The following KLHL25 variants were observed in gnomAD, a reference collection of about 807,000 sequenced individuals.
KLHL25 encodes the protein kelch like family member 25, also known as kelch-like protein 25.
A neutral mutation model predicts 30.0 loss-of-function variants in KLHL25; 41 were observed. The ratio of observed to expected loss-of-function variants is 1.37; its 90% CI spans 1.07 to 1.78. KLHL25 has a LOEUF of 1.78. KLHL25 is among the 40% of genes most tolerant of loss of function. The pLI, the probability that KLHL25 is intolerant of heterozygous loss-of-function variation, is 0.00. For missense variants in KLHL25, 971 were observed against 824.5 expected (o/e 1.18, Z -2.18); for synonymous variants, 399 against 355.3 (o/e 1.12, Z -1.38).
chr15:85,788,297 G>A (rs879762389), intron 1 of KLHL25, among the ~76,000 whole-genome samples: 3 of 152,110 alleles, frequency 2.0e-5, no homozygotes, highest in African/African-American at 4.8e-5. Context: ...TCCCACGGCT[G>A]GCTCAAATGT....
At chr15:85,777,197 C>T (rs1048355155) in intron 1 of KLHL25, among the ~76,000 whole-genome samples, 4 of 152,216 alleles carry the variant, frequency 2.6e-5, no homozygotes, top group Admixed American at 2.0e-4. Flanking sequence ...TGGTAATAAA[C>T]GGGCTTCCCC....
chr15:85,769,307 G>A lies in KLHL25; in HGVS notation c.504C>T (p.Ser168=). 1 of 1,614,096 alleles carries A rather than the reference G, an allele frequency of 6.2e-7. No homozygotes were observed. The highest frequency in any genetic ancestry group is 1.1e-5 in the South Asian group (1 of 91,074). Residue 168 remains serine, a synonymous_variant, in exon 2 of 3, where the codon TCC becomes TCT. Transcript: ENST00000337975. ...CAAAGTGCACCAGGCACATGCGCCA[G>A]GAGAACTCATACAGCCGGCGGCACT... ...AHQCRRLYEF[S]WRMCLVHFET...
At position 85,769,533 on chromosome 15, in the gene KLHL25, A is replaced by T. The variant is rs2089654391; in HGVS notation, c.278T>A (p.Leu93Gln). 6.2e-7 allele frequency: 1 copy of T among 1,613,806 alleles called. No homozygotes were observed. Among genetic ancestry groups the T allele is most frequent in the Admixed American group, 1.7e-5 (1 of 59,998 alleles). ...RDDTVNFQDN[L>Q]HPEVLELLLD... ...CAGCAGCTCCAGCACCTCCGGGTGC[A>T]GGTTGTCCTGGAAGTTGACAGTGTC... Residue 93 changes from leucine to glutamine, a missense_variant, in exon 2 of 3, where the codon CTG becomes CAG. By Grantham distance (113) the Leu-to-Gln change is moderately radical. Coordinates refer to ENST00000337975, the MANE Select transcript of KLHL25 (RefSeq NM_022480.4).
chr15:85,771,500 A>C (rs2245513), intron 1 of KLHL25, among the ~76,000 whole-genome samples: 1 of 152,228 alleles, frequency 6.6e-6, no homozygotes, highest in Non-Finnish European at 1.5e-5. Context: ...TCTCTTGCTC[A>C]CTCCTCCTCT....
At chr15:85,793,297 G>A (rs575545076) in intron 1 of KLHL25, among the ~76,000 whole-genome samples, 2 of 152,240 alleles carry the variant, frequency 1.3e-5, no homozygotes, top group African/African-American at 2.4e-5. Context: ...CCAGGATGAA[G>A]GTGTCTTCCA....
chr15:85,776,081 G>A (rs913125427), intron 1 of KLHL25, among the ~76,000 whole-genome samples: 1 of 151,502 alleles, frequency 6.6e-6, no homozygotes, highest in Non-Finnish European at 1.5e-5. Flanking sequence ...GTTATAGCAT[G>A]AGAACTGCTT....
chr15:85,779,259 C>T (rs567085841), intron 1 of KLHL25, among the ~76,000 whole-genome samples: 1 of 152,184 alleles, frequency 6.6e-6, no homozygotes, highest in African/African-American at 2.4e-5. Context: ...AAAAGCCACA[C>T]CCAGGAGCTC....
At chr15:85,767,035 G>C (rs943102266) in intron 2 of KLHL25, among the ~76,000 whole-genome samples, 2 of 146,934 alleles carry the variant, frequency 1.4e-5, no homozygotes, top group Non-Finnish European at 3.0e-5. Flanking sequence ...CTGTTGCCCA[G>C]GCTGGAGTAC....
intron 1 of KLHL25, among the ~76,000 whole-genome samples, chr15:85,785,724 C>G (rs1412422395): frequency 6.6e-6 from 1 of 152,192 alleles, no homozygotes; most frequent in Non-Finnish European, 1.5e-5. Context: ...CAGCCCGCAG[C>G]AGCCTCCCAC....
chr15:85,785,205 T>C (rs905157145), intron 1 of KLHL25, among the ~76,000 whole-genome samples: 2 of 151,520 alleles, frequency 1.3e-5, no homozygotes, highest in African/African-American at 4.8e-5. Flanking sequence ...ACCATTCTCC[T>C]GCCTCAGCCT....
chr15:85,774,873 T>C (rs1279384677), intron 1 of KLHL25, among the ~76,000 whole-genome samples: 3 of 119,042 alleles, frequency 2.5e-5, no homozygotes, highest in Non-Finnish European at 4.1e-5. Context: ...GATTCTTTTT[T>C]TCTTTTCTTT....
chr15:85,775,892 G>A (rs12232254), intron 1 of KLHL25, among the ~76,000 whole-genome samples: 29,349 of 145,482 alleles, frequency 0.2, 3,095 homozygotes, highest in East Asian at 0.34. Context: ...AAAAAAAAGC[G>A]GCCAGGCGTG....
rs1162120229 is a variant in KLHL25 at position 85,769,508 on chromosome 15, C to T, written c.303G>A (p.Leu101=). ...DNLHPEVLEL[L]LDFAYSSRIA... ...TGCGTGAGGAGTAGGCAAAGTCCAG[C>T]AGCAGCTCCAGCACCTCCGGGTGCA... The change falls in exon 2 of 3, where the codon CTG becomes CTA. Residue 101 remains leucine (L), a synonymous_variant. Coordinates refer to ENST00000337975, the MANE Select transcript of KLHL25 (RefSeq NM_022480.4). 2 of 1,614,014 alleles carry T rather than the reference C, an allele frequency of 1.2e-6. No homozygotes were observed. Among genetic ancestry groups the T allele is most frequent in the East Asian group, 2.2e-5 (1 of 44,886 alleles).
intron 1 of KLHL25, among the ~76,000 whole-genome samples, chr15:85,792,829 A>C (rs943484284): frequency 2.6e-5 from 4 of 151,974 alleles, no homozygotes; most frequent in African/African-American, 9.7e-5. Flanking sequence ...AGCCTTGCCC[A>C]CCTGTGTCTC....
intron 2 of KLHL25, among the ~76,000 whole-genome samples, chr15:85,766,219 T>C (rs1254431765): frequency 6.6e-6 from 1 of 152,198 alleles, no homozygotes; most frequent in Non-Finnish European, 1.5e-5. Flanking sequence ...CGCTGCAGGA[T>C]CGTGGGAAGC....
chr15:85,778,196 G>A (rs185616347), intron 1 of KLHL25, among the ~76,000 whole-genome samples: 5 of 152,296 alleles, frequency 3.3e-5, no homozygotes, highest in South Asian at 2.1e-4. Context: ...GCCAAAGGGC[G>A]GAGAGAGAGC....
chr15:85,759,543 A>G lies in KLHL25; in HGVS notation c.*1493T>C, dbSNP rs1345162441. 6.6e-6 allele frequency: 1 copy of G among 152,324 alleles called. No homozygotes were observed. The highest frequency in any genetic ancestry group is 2.4e-5 in the African/African-American group (1 of 41,450). 9.4% of individuals were successfully genotyped at this position (152,324 alleles called of 1,614,324 possible). On this transcript the variant is annotated 3_prime_UTR_variant, in exon 3 of 3. Coordinates refer to ENST00000337975, the MANE Select transcript of KLHL25 (RefSeq NM_022480.4). The stretch of plus-strand genomic sequence containing the variant: ...GGACCACAGCCAAGTGCCTTCGGGC[A>G]GCTGGCCTGACACAGGCGGGGTCTG...
chr15:85,774,226 T>G (rs1052822064), intron 1 of KLHL25, among the ~76,000 whole-genome samples: 2 of 152,150 alleles, frequency 1.3e-5, no homozygotes, highest in African/African-American at 4.8e-5. Context: ...ATCACAGAAT[T>G]GTTCTCATGA....
At chr15:85,783,937 G>A (rs1221322840) in intron 1 of KLHL25, among the ~76,000 whole-genome samples, 1 of 152,104 alleles carries the variant, frequency 6.6e-6, no homozygotes, top group African/African-American at 2.4e-5. Context: ...TGAAAAACAG[G>A]GGTGACAATA....
Sources: gnomAD v4.1 joint callset for allele counts (sites outside exome capture counted in the v4.1 genomes callset) on GRCh38, gnomAD v4.1.1 for gene constraint, MANE v1.5 for transcripts, NCBI Gene and HGNC (gene_info 2026-07-23, HGNC 2026-07-21) for gene names.